Variants in CSMD1 observed in about 807,000 individuals in gnomAD.
CSMD1 encodes CUB and Sushi multiple domains 1.
CSMD1 carries 213 observed loss-of-function variants against 417.5 expected under a neutral mutation model. The observed-to-expected ratio is 0.51, with a 90% CI of 0.46 to 0.57. CSMD1 has a LOEUF of 0.57. Among genes scored for constraint, CSMD1 ranks in the 20% least tolerant of loss-of-function variants. The probability of loss-of-function intolerance (pLI) is 0.00; values close to 1 mark genes in which losing one functional copy is unlikely to be tolerated. For missense variants in CSMD1, 6,923 were observed against 4,529.7 expected, an observed-to-expected ratio of 1.53 and a Z score of -15.17; for synonymous variants, 2,862 against 1,736.8, an observed-to-expected ratio of 1.65 and a Z score of -16.11.
At chr8:3,712,602 A>G (rs945249549) in intron 6 of CSMD1, among the ~76,000 whole-genome samples, 1 of 152,226 alleles carries the variant, frequency 6.6e-6, no homozygotes, top group Non-Finnish European at 1.5e-5. Flanking sequence ...ATTGATGACA[A>G]AACATAGCTT....
chr8:3,731,946 C>A (rs138115441), intron 6 of CSMD1, among the ~76,000 whole-genome samples: 2,219 of 152,246 alleles, frequency 0.015, 22 homozygotes, highest in Middle Eastern at 0.024. Flanking sequence ...ATACAATGGA[C>A]TCCAAACCCT....
chr8:3,370,452 C>T (rs1014877585), intron 18 of CSMD1, among the ~76,000 whole-genome samples: 4 of 152,266 alleles, frequency 2.6e-5, no homozygotes, highest in African/African-American at 4.8e-5. Flanking sequence ...GCTCAGATCT[C>T]GAGACCAGGC....
At chr8:4,880,172 G>A (rs1322035216) in intron 1 of CSMD1, among the ~76,000 whole-genome samples, 3 of 151,162 alleles carry the variant, frequency 2.0e-5, no homozygotes, top group Admixed American at 2.0e-4. Flanking sequence ...ACATGTGGCT[G>A]AATTTCTCTT....
At chr8:4,725,859 C>T (rs1357888732) in intron 1 of CSMD1, among the ~76,000 whole-genome samples, 6 of 152,096 alleles carry the variant, frequency 3.9e-5, no homozygotes, top group Admixed American at 2.6e-4. Flanking sequence ...TTGAGACCTA[C>T]CCTCCGACAT....
chr8:3,187,476 G>C (rs1031737882), intron 36 of CSMD1, among the ~76,000 whole-genome samples: 1 of 152,130 alleles, frequency 6.6e-6, no homozygotes, highest in Non-Finnish European at 1.5e-5. Context: ...CTCAGGACTA[G>C]CTGAGCCCAC....
In CSMD1 at chr8:3,691,018, C is replaced by G. The variant is rs2129032751; in HGVS notation, c.1009+17396G>C. ...AGTGCTGACGGGTTTCATCTTTACC[C>G]TGGTACTAAAGTATCTTTTTCTCTC... is the stretch of plus-strand genomic sequence containing the variant. On this transcript the variant is annotated intron_variant, in intron 7 of 69. Coordinates refer to ENST00000635120, the MANE Select transcript of CSMD1 (RefSeq NM_033225.6). Among the ~76,000 whole-genome samples, 3 of 152,154 alleles carry G rather than the reference C, an allele frequency of 2.0e-5. No homozygotes were observed. The Middle Eastern group carries it at 0.01, about 518-fold the overall frequency.
At chr8:3,859,319 G>C (rs918263622) in intron 5 of CSMD1, among the ~76,000 whole-genome samples, 1 of 152,114 alleles carries the variant, frequency 6.6e-6, no homozygotes, top group Non-Finnish European at 1.5e-5. Flanking sequence ...CATTCGCTCG[G>C]CCTATTTTTT....
intron 11 of CSMD1, among the ~76,000 whole-genome samples, chr8:3,481,669 A>G (rs1454500607): frequency 6.6e-6 from 1 of 152,206 alleles, no homozygotes; most frequent in Non-Finnish European, 1.5e-5. Flanking sequence ...TATCCATATA[A>G]GAGAGAGGCA....
chr8:3,598,164 T>C (rs1801182180), intron 8 of CSMD1: 1 of 152,138 alleles, frequency 6.6e-6, no homozygotes, highest in East Asian at 1.9e-4. Flanking sequence ...ACCAAGCCAA[T>C]CTGAGAAAAG....
chr8:4,579,611 C>T (rs898158100), intron 2 of CSMD1, among the ~76,000 whole-genome samples: 2 of 152,088 alleles, frequency 1.3e-5, no homozygotes, highest in Admixed American at 6.6e-5. Context: ...ATCCACCAAC[C>T]TTGGCCTCCC....
chr8:3,569,508 G>C (rs73658196), intron 10 of CSMD1, among the ~76,000 whole-genome samples: 6,356 of 152,234 alleles, frequency 0.042, 432 homozygotes, highest in African/African-American at 0.14. Flanking sequence ...CTGCTTTTCT[G>C]TCCTATCTTA....
chr8:4,116,934 T>A (rs1266040346), intron 3 of CSMD1, among the ~76,000 whole-genome samples: 1 of 152,076 alleles, frequency 6.6e-6, no homozygotes, highest in Admixed American at 6.6e-5. Context: ...CCATCCTTTG[T>A]CTTTTCCATG....
intron 36 of CSMD1, chr8:3,183,132 T>A (rs944305526): frequency 1.4e-5 from 2 of 146,460 alleles, no homozygotes; most frequent in Admixed American, 6.8e-5. Context: ...ATCGAGTAGG[T>A]CTCTAACGCC....
chr8:3,752,882 G>T (rs1441178170), intron 6 of CSMD1, among the ~76,000 whole-genome samples: 1 of 152,010 alleles, frequency 6.6e-6, no homozygotes, highest in African/African-American at 2.4e-5. Context: ...CATCCTGAAG[G>T]AAACGATGAA....
Position 3,680,036 on chromosome 8 carries a change from G to C in CSMD1, c.1009+28378C>G, listed in dbSNP as rs192172398. Among the ~76,000 whole-genome samples the C allele has an allele frequency of 6.0e-3, 908 of 152,152 alleles. 11 individuals are homozygous for C. The highest frequency in any genetic ancestry group is 0.021 in the African/African-American group (864 of 41,500). On this transcript the variant is annotated intron_variant, in intron 7 of 69. Coordinates refer to ENST00000635120, the MANE Select transcript of CSMD1 (RefSeq NM_033225.6). ...GAATCTCTGGGACACATTTAAAGCA[G>C]TGTGTAGAGGAAAATTTATAACACT...
At chr8:4,394,959 G>C (rs187030355) in intron 3 of CSMD1, among the ~76,000 whole-genome samples, 146 of 152,310 alleles carry the variant, frequency 9.6e-4, no homozygotes, top group African/African-American at 3.5e-3. Context: ...TTAAGAAAGG[G>C]AAGAGTTAAT....
At chr8:4,024,006 T>G (rs984530685) in intron 4 of CSMD1, among the ~76,000 whole-genome samples, 2 of 151,996 alleles carry the variant, frequency 1.3e-5, no homozygotes, top group African/African-American at 4.8e-5. Flanking sequence ...CTGACATATT[T>G]GACACTGCAA....
At chr8:3,743,211 T>C (rs542760565) in intron 6 of CSMD1, among the ~76,000 whole-genome samples, 56 of 152,360 alleles carry the variant, frequency 3.7e-4, no homozygotes, top group African/African-American at 1.3e-3. Context: ...CAGAGTGTTC[T>C]GCCCTTTTTT....
intron 7 of CSMD1, among the ~76,000 whole-genome samples, chr8:3,669,480 G>C (rs1216614730): frequency 6.6e-6 from 1 of 152,084 alleles, no homozygotes; most frequent in Non-Finnish European, 1.5e-5. Flanking sequence ...TCAGTAATTA[G>C]ATATCCTCTA....
Sources: allele counts gnomAD v4.1 joint callset (sites outside exome capture counted in the v4.1 genomes callset), GRCh38; gene constraint gnomAD v4.1.1; transcripts MANE v1.5; gene names NCBI Gene and HGNC (gene_info 2026-07-23, HGNC 2026-07-21).